BRSK2: variants seen among roughly 807,000 people sequenced by gnomAD.
The protein encoded by BRSK2 is serine/threonine-protein kinase BRSK2.
A neutral mutation model predicts 83.3 loss-of-function variants in BRSK2; 19 were observed. The observed-to-expected ratio is 0.23, with a 90% CI of 0.16 to 0.33. BRSK2 has a LOEUF of 0.33. Ranked by LOEUF, BRSK2 falls within the 10% of genes least tolerant of loss-of-function variation. The pLI, the probability that BRSK2 is intolerant of heterozygous loss-of-function variation, is 1.00. For missense variants in BRSK2, 798 were observed against 1,042.3 expected, an observed-to-expected ratio of 0.77 and a Z score of 3.23; for synonymous variants, 519 against 435.4, an observed-to-expected ratio of 1.19 and a Z score of -2.39.
In BRSK2 at chr11:1,445,634, G is replaced by A. The variant is rs1277249788; in HGVS notation, c.1041G>A (p.Gln347=). 5.7e-6 allele frequency: 9 copies of A among 1,585,586 alleles called. No individual in the cohort carries two copies. Among genetic ancestry groups the A allele is most frequent in the Middle Eastern group, 3.3e-4 (2 of 6,044 alleles). Residue 347 remains glutamine (Q), a synonymous_variant, in exon 11 of 20, where the codon CAG becomes CAA. Coordinates refer to ENST00000528841, the MANE Select transcript of BRSK2 (RefSeq NM_001256627.2). ...LLDRKERYPS[Q]EDEDLPPRNE... ...ACCGGAAAGAAAGGTACCCGAGCCA[G>A]GAGGATGAGGACCTGCCCCCCCGGA...
chr11:1,426,529 G>A (rs1361700596), intron 1 of BRSK2, among the ~76,000 whole-genome samples: 3 of 152,264 alleles, frequency 2.0e-5, no homozygotes, highest in African/African-American at 2.4e-5. Flanking sequence ...GTCTGTCCCC[G>A]CAAATGTAGA....
chr11:1,437,209 G>A (rs1286846255), intron 2 of BRSK2, among the ~76,000 whole-genome samples: 1 of 152,246 alleles, frequency 6.6e-6, no homozygotes, highest in Non-Finnish European at 1.5e-5. Flanking sequence ...CTGGGGATGC[G>A]GGAAAGGGGA....
chr11:1,397,078 G>T (rs1846175492), intron 1 of BRSK2, among the ~76,000 whole-genome samples: 1 of 152,214 alleles, frequency 6.6e-6, no homozygotes, highest in African/African-American at 2.4e-5. Flanking sequence ...TGCTCTGCAG[G>T]AAGTTAACGG....
At chr11:1,400,802 G>T (rs1846424584) in intron 1 of BRSK2, among the ~76,000 whole-genome samples, 1 of 152,242 alleles carries the variant, frequency 6.6e-6, no homozygotes, top group African/African-American at 2.4e-5. Flanking sequence ...CACTGGGAGG[G>T]GTGCAGATGA....
At chr11:1,444,220 C>G (rs1269190175) in intron 8 of BRSK2, among the ~76,000 whole-genome samples, 1 of 152,154 alleles carries the variant, frequency 6.6e-6, no homozygotes, top group Non-Finnish European at 1.5e-5. Flanking sequence ...GTGAATAGTT[C>G]TGCTGAGTGC....
At chr11:1,449,630 A>G (rs78329469) in intron 12 of BRSK2, 146 bp from the exon 13 acceptor site, 2 of 636,006 alleles carry the variant, frequency 3.1e-6, no homozygotes, top group Non-Finnish European at 5.3e-6. Flanking sequence ...CTGAATTGAC[A>G]GGGTGTGCAG....
At chr11:1,403,004 T>C (rs1002551302) in intron 1 of BRSK2, among the ~76,000 whole-genome samples, 1 of 152,002 alleles carries the variant, frequency 6.6e-6, no homozygotes, top group Non-Finnish European at 1.5e-5. Flanking sequence ...GCCGAGGGCG[T>C]TTGCAGATGG....
rs1847433512 is a variant in BRSK2, at chr11:1,460,982, A to C, written c.*259A>C. 1 of 1,612,382 alleles carries C rather than the reference A, an allele frequency of 6.2e-7. No homozygotes were observed. The highest frequency in any genetic ancestry group is 1.3e-5 in the African/African-American group (1 of 75,000). ...ACTCTGATACCAGGAATTATCCCGA[A>C]AAGTTAACATGTCACCTCCACGAGG... On this transcript the variant is annotated 3_prime_UTR_variant, in exon 20 of 20. Transcript: ENST00000528841.
intron 1 of BRSK2, chr11:1,411,438 C>T (rs374224045): frequency 4.9e-5 from 72 of 1,467,826 alleles, no homozygotes; most frequent in African/African-American, 3.1e-4. Context: ...CCGATGGGCA[C>T]GTCCCCGCCG....
At chr11:1,449,285 A>G (rs1283047534) in intron 12 of BRSK2, among the ~76,000 whole-genome samples, 1 of 152,140 alleles carries the variant, frequency 6.6e-6, no homozygotes, top group Non-Finnish European at 1.5e-5. Context: ...GGTTGTGGAC[A>G]AGGGAAGGGC....
At chr11:1,429,309 G>T (rs1369418330) in intron 1 of BRSK2, among the ~76,000 whole-genome samples, 1 of 110,318 alleles carries the variant, frequency 9.1e-6, no homozygotes, top group Non-Finnish European at 1.6e-5. Flanking sequence ...TGTCCTGGGT[G>T]TGTGTGCGTG....
At chr11:1,436,755 G>C (rs567048720) in intron 2 of BRSK2, among the ~76,000 whole-genome samples, 27 of 152,068 alleles carry the variant, frequency 1.8e-4, no homozygotes, top group South Asian at 1.7e-3. Context: ...GGCAGCGTGC[G>C]ACCCTCCCAG....
In BRSK2 at chr11:1,445,867, C is replaced by G. The variant is rs1212461673; in HGVS notation, c.1186C>G (p.Pro396Ala). The change falls in exon 12 of 20, where the codon CCT (proline) becomes GCT (alanine). Residue 396 changes from proline to alanine, a missense_variant. Pro to Ala is a conservative substitution (Grantham distance 27, BLOSUM62 -1). Coordinates refer to ENST00000528841, the MANE Select transcript of BRSK2 (RefSeq NM_001256627.2). ...CGTGACGGACGGCGGCTCCCCGGTG[C>G]CTGCGCGGCGGGCCATTGAGATGGC... ...LSVTDGGSPV[P>A]ARRAIEMAQH... 3.1e-6 allele frequency: 5 copies of G among 1,611,844 alleles called. No homozygotes were observed. The highest frequency in any genetic ancestry group is 4.2e-6 in the Non-Finnish European group (5 of 1,179,414).
intron 17 of BRSK2, 33 bp from the exon 18 acceptor site, chr11:1,456,565 C>T: frequency 6.2e-7 from 1 of 1,606,122 alleles, no homozygotes; most frequent in African/African-American, 1.3e-5. Context: ...CGGGCCCAGG[C>T]CCGTCCAGGG....
At chr11:1,447,761 G>C (rs376013673) in intron 12 of BRSK2, 4 of 1,583,030 alleles carry the variant, frequency 2.5e-6, no homozygotes, top group Non-Finnish European at 3.4e-6. Context: ...GCGTGTGGCC[G>C]TCAGTAACTG....
chr11:1,416,185 AACAC>A (rs1329097275), intron 1 of BRSK2, among the ~76,000 whole-genome samples: 4 of 152,238 alleles, frequency 2.6e-5, no homozygotes, highest in Non-Finnish European at 4.4e-5. Context: ...GGTGGATAGA[AACAC>A]ACAAACCACA....
intron 1 of BRSK2, among the ~76,000 whole-genome samples, chr11:1,425,104 T>C (rs996495784): frequency 6.6e-6 from 1 of 152,202 alleles, no homozygotes; most frequent in Non-Finnish European, 1.5e-5. Flanking sequence ...AGGCCCGTGA[T>C]GGGAAGCCTG....
chr11:1,419,980 C>G (rs906607052), intron 1 of BRSK2, among the ~76,000 whole-genome samples: 5 of 152,208 alleles, frequency 3.3e-5, no homozygotes, highest in Admixed American at 1.3e-4. Flanking sequence ...GATTCTGCTC[C>G]AGGCTCCGCG....
At chr11:1,452,254 C>G (rs953570970) in intron 15 of BRSK2, among the ~76,000 whole-genome samples, 3 of 152,206 alleles carry the variant, frequency 2.0e-5, no homozygotes, top group African/African-American at 4.8e-5. Flanking sequence ...CCAGGAGCAG[C>G]ATCTGCAGCC....
Sources: allele counts gnomAD v4.1 joint callset (sites outside exome capture counted in the v4.1 genomes callset), GRCh38; gene constraint gnomAD v4.1.1; transcripts MANE v1.5; gene names NCBI Gene and HGNC (gene_info 2026-07-23, HGNC 2026-07-21).